The following CFAP97D2 variants were observed in gnomAD, a reference collection of about 807,000 sequenced individuals.
CFAP97D2 encodes the protein uncharacterized protein CFAP97D2.
chr13:114,201,440 A>G (rs1017522553), intron 3 of CFAP97D2, among the ~76,000 whole-genome samples: 1 of 152,218 alleles, frequency 6.6e-6, no homozygotes, highest in Non-Finnish European at 1.5e-5. Context: ...CAGGCCCAGC[A>G]GGGTGCACCA....
At chr13:114,206,708 T>C (rs568706362) in intron 3 of CFAP97D2, among the ~76,000 whole-genome samples, 139 of 152,316 alleles carry the variant, frequency 9.1e-4, no homozygotes, top group African/African-American at 3.2e-3. Context: ...CCTAAGGAAG[T>C]GATGAAAATC....
chr13:114,213,068 A>C (rs2080975216), intron 4 of CFAP97D2, among the ~76,000 whole-genome samples: 1 of 152,186 alleles, frequency 6.6e-6, no homozygotes, highest in Non-Finnish European at 1.5e-5. Flanking sequence ...TGTCATTAAT[A>C]TACTGCTTAT....
At chr13:114,181,302 C>T (rs1477008399) in intron 1 of CFAP97D2, among the ~76,000 whole-genome samples, 1 of 152,168 alleles carries the variant, frequency 6.6e-6, no homozygotes. Flanking sequence ...GCACAGCTTC[C>T]CAGCAGGGGC....
At chr13:114,209,744 G>A (rs2080958702) in intron 3 of CFAP97D2, among the ~76,000 whole-genome samples, 1 of 152,202 alleles carries the variant, frequency 6.6e-6, no homozygotes, top group African/African-American at 2.4e-5. Context: ...ACTTACTTGT[G>A]TGTTGACCTG....
chr13:114,186,498 A>G lies in CFAP97D2; in HGVS notation c.90+7078A>G, dbSNP rs2080853713. Among the ~76,000 whole-genome samples the G allele has an allele frequency of 6.6e-6, 1 of 152,256 alleles. No individual in the cohort carries two copies. The highest frequency in any genetic ancestry group is 2.4e-5 in the African/African-American group (1 of 41,472). On this transcript the variant is annotated intron_variant, in intron 1 of 4. Transcript: ENST00000646158. The surrounding 1 kb of genome is among the most constrained non-coding windows in gnomAD (Gnocchi z 4.3). Reference sequence around the variant, plus strand: ...GGGCTAAAAGAGCTGCAACACAAGCAGGGCTGAAACATGCCCCTTGTTCAC... The same window carrying G: ...GGGCTAAAAGAGCTGCAACACAAGCGGGGCTGAAACATGCCCCTTGTTCAC...
chr13:114,181,924 T>A (rs748611967), intron 1 of CFAP97D2, among the ~76,000 whole-genome samples: 4 of 152,052 alleles, frequency 2.6e-5, no homozygotes, highest in Admixed American at 6.6e-5. Flanking sequence ...AGGGGTGGCC[T>A]GCCCCTCCAC....
Position 114,185,311 on chromosome 13 carries a change from C to T in CFAP97D2, c.90+5891C>T, listed in dbSNP as rs920118968. Among the ~76,000 whole-genome samples the T allele has an allele frequency of 2.0e-5, 3 of 152,194 alleles. No individual in the cohort carries two copies. Among genetic ancestry groups the T allele is most frequent in the Admixed American group, 6.5e-5 (1 of 15,280 alleles). The stretch of plus-strand genomic sequence containing the variant: ...AAGAGCCGCTGTGATGGAGCCAGGC[C>T]GAGCTGCCTGCTGACGGGAGAGCAG... On this transcript the variant is annotated intron_variant, in intron 1 of 4. Coordinates refer to ENST00000646158, the Ensembl canonical transcript of CFAP97D2. The surrounding 1 kb of genome is among the most constrained non-coding windows in gnomAD (Gnocchi z 5.2).
At chr13:114,212,552 T>TA (rs5807002) in intron 4 of CFAP97D2, among the ~76,000 whole-genome samples, 9,891 of 151,478 alleles carry the variant, frequency 0.065, 550 homozygotes, top group African/African-American at 0.13. Context: ...CTGTCTCTAT[T>TA]AAAAAAAGAA....
chr13:114,215,879 A>G (rs1448850072), intron 4 of CFAP97D2: 1 of 152,182 alleles, frequency 6.6e-6, no homozygotes, highest in East Asian at 1.9e-4. Context: ...CACTGTGGTG[A>G]TGTGTCACAA....
chr13:114,212,708 C>G (rs2080973226), intron 4 of CFAP97D2, among the ~76,000 whole-genome samples: 2 of 151,994 alleles, frequency 1.3e-5, no homozygotes, highest in South Asian at 2.1e-4. Flanking sequence ...AAAAATTAGC[C>G]AAGTATGGTG....
rs1427052347 is a variant in CFAP97D2 at position 114,186,491 on chromosome 13, C to A, written c.90+7071C>A. 6.6e-6 allele frequency among the ~76,000 whole-genome samples: 1 copy of A among 152,232 alleles called. No individual in the cohort carries two copies. Among genetic ancestry groups the A allele is most frequent in the East Asian group, 1.9e-4 (1 of 5,204 alleles). On this transcript the variant is annotated intron_variant, in intron 1 of 4. Coordinates refer to ENST00000646158, the Ensembl canonical transcript of CFAP97D2. The surrounding 1 kb of genome is among the most constrained non-coding windows in gnomAD (Gnocchi z 4.3). ...AGTGGTGGGGCTAAAAGAGCTGCAA[C>A]ACAAGCAGGGCTGAAACATGCCCCT...
rs551524224 is a variant in CFAP97D2 at position 114,182,472 on chromosome 13, C to T, written c.90+3052C>T. Among the ~76,000 whole-genome samples, 335 of 151,854 alleles carry T rather than the reference C, an allele frequency of 2.2e-3. 14 individuals are homozygous for T. The South Asian group carries it at 0.059, about 27-fold the overall frequency. On this transcript the variant is annotated intron_variant, in intron 1 of 4. Transcript: ENST00000646158. Reference sequence around the variant, plus strand: ...AGGCCTTCCTCTTTTACTAATCCACCTCAGCACAGACCCTTTACCGGTGTC... The same window carrying T: ...AGGCCTTCCTCTTTTACTAATCCACTTCAGCACAGACCCTTTACCGGTGTC...
chr13:114,181,575 C>CT (rs1302898787), intron 1 of CFAP97D2, among the ~76,000 whole-genome samples: 1 of 152,172 alleles, frequency 6.6e-6, no homozygotes, highest in East Asian at 1.9e-4. Context: ...CAGGACCCCT[C>CT]TAACACTCCA....
At chr13:114,200,124 G>C (rs1160612876) in intron 2 of CFAP97D2, among the ~76,000 whole-genome samples, 1 of 129,262 alleles carries the variant, frequency 7.7e-6, no homozygotes, top group Non-Finnish European at 1.6e-5. Flanking sequence ...GGCGTAACAG[G>C]GCGTCCCCTC....
chr13:114,206,520 C>T (rs1048699883), intron 3 of CFAP97D2, among the ~76,000 whole-genome samples: 5 of 152,160 alleles, frequency 3.3e-5, no homozygotes, highest in Admixed American at 6.5e-5. Flanking sequence ...AGTATTGACA[C>T]GGGCTACAAC....
Position 114,207,099 on chromosome 13 carries a change from G to C in CFAP97D2, c.291-4813G>C, listed in dbSNP as rs944068987. ...CAAGCATCACCACCGCATGGCAGCAGTGTCCCCGCATCCACCTGGTGTGGG... is the reference window on the plus strand; with the variant it reads ...CAAGCATCACCACCGCATGGCAGCACTGTCCCCGCATCCACCTGGTGTGGG... On this transcript the variant is annotated intron_variant, in intron 3 of 4. Coordinates refer to ENST00000646158, the Ensembl canonical transcript of CFAP97D2. This position sits in a 1 kb window ranked among gnomAD's most constrained non-coding sequence, Gnocchi z 4.9. 1.3e-5 allele frequency among the ~76,000 whole-genome samples: 2 copies of C among 152,240 alleles called. No homozygotes were observed. Among genetic ancestry groups the C allele is most frequent in the African/African-American group, 2.4e-5 (1 of 41,470 alleles).
chr13:114,180,716 G>A (rs1025292615), intron 1 of CFAP97D2, among the ~76,000 whole-genome samples: 6 of 152,174 alleles, frequency 3.9e-5, no homozygotes, highest in African/African-American at 1.2e-4. Flanking sequence ...AGTGGGTAAG[G>A]CAATAGCACA....
intron 2 of CFAP97D2, among the ~76,000 whole-genome samples, chr13:114,197,278 T>C (rs1423363139): frequency 2.6e-5 from 4 of 151,976 alleles, no homozygotes; most frequent in Admixed American, 1.3e-4. Flanking sequence ...AAAATAGTTA[T>C]ATATTTTTTA....
rs1301514745 is a variant in CFAP97D2 at position 114,199,966 on chromosome 13, G to A, written c.172-359G>A. ...CTTACGGTCCCCGATGAGGCGTGAC[G>A]GCGCGTCCCCGTGCTTACGGTCCCC... On this transcript the variant is annotated intron_variant, in intron 2 of 4. Coordinates refer to ENST00000646158, the Ensembl canonical transcript of CFAP97D2. 2.4e-5 allele frequency among the ~76,000 whole-genome samples: 2 copies of A among 84,174 alleles called. 1 individual carries two copies. The highest frequency in any genetic ancestry group is 8.2e-4 in the East Asian group (2 of 2,436). 55.2% of individuals were successfully genotyped at this position (84,174 alleles called of 152,430 possible). A position where few individuals can be genotyped will look rare whatever the true frequency, so the allele number is the denominator to read the frequency against.
Sources: gnomAD v4.1 joint callset for allele counts (sites outside exome capture counted in the v4.1 genomes callset) on GRCh38, gnomAD v4.1.1 for gene constraint, Gnocchi (gnomAD v3.1) non-coding constraint, MANE v1.5 for transcripts, NCBI Gene and HGNC (gene_info 2026-07-23, HGNC 2026-07-21) for gene names.